Variants in TEAD1 observed in about 807,000 individuals in gnomAD.
TEAD1 encodes the protein TEA domain transcription factor 1, also known as transcriptional enhancer factor TEF-1.
TEAD1 carries 9 observed loss-of-function variants against 54.9 expected under a neutral mutation model. That is an observed-to-expected ratio of 0.16 (90% CI 0.10 to 0.29). The LOEUF is 0.29. TEAD1 is among the 10% of genes least tolerant of loss of function. The probability of loss-of-function intolerance (pLI) is 1.00; values close to 1 mark genes in which losing one functional copy is unlikely to be tolerated. For missense variants in TEAD1, 387 were observed against 535.9 expected (o/e 0.72, Z 2.74); for synonymous variants, 200 against 187.8 (o/e 1.07, Z -0.53).
chr11:12,766,936 C>G (rs1264568454), intron 3 of TEAD1, among the ~76,000 whole-genome samples: 1 of 152,144 alleles, frequency 6.6e-6, no homozygotes, highest in Non-Finnish European at 1.5e-5. Context: ...CCACCCCCAC[C>G]TCCAGGCAGC....
At chr11:12,819,484 C>G (rs181277550) in intron 3 of TEAD1, among the ~76,000 whole-genome samples, 2 of 152,116 alleles carry the variant, frequency 1.3e-5, no homozygotes, top group African/African-American at 4.8e-5. Context: ...GAGTCTCGCT[C>G]TGTCACCCAG....
intron 3 of TEAD1, among the ~76,000 whole-genome samples, chr11:12,824,735 A>G (rs1946616415): frequency 6.6e-6 from 1 of 152,102 alleles, no homozygotes; most frequent in African/African-American, 2.4e-5. Context: ...AGTTCCTCCC[A>G]GTCCTGAACT....
At chr11:12,689,868 T>C (rs1454504178) in intron 2 of TEAD1, among the ~76,000 whole-genome samples, 1 of 151,888 alleles carries the variant, frequency 6.6e-6, no homozygotes, top group African/African-American at 2.4e-5. Context: ...TGTAAATTAG[T>C]ACATATTTTA....
At chr11:12,834,963 T>C (rs1946856997) in intron 3 of TEAD1, among the ~76,000 whole-genome samples, 1 of 152,122 alleles carries the variant, frequency 6.6e-6, no homozygotes, top group South Asian at 2.1e-4. Context: ...TAAATACAAT[T>C]GTGTATATAG....
intron 3 of TEAD1, among the ~76,000 whole-genome samples, chr11:12,798,333 G>T (rs1006438843): frequency 2.6e-5 from 4 of 152,154 alleles, no homozygotes; most frequent in Non-Finnish European, 5.9e-5. Flanking sequence ...GACTGGAAGA[G>T]TACTCATCTT....
intron 5 of TEAD1, among the ~76,000 whole-genome samples, chr11:12,869,953 C>T (rs1947706080): frequency 6.6e-6 from 1 of 152,140 alleles, no homozygotes; most frequent in Non-Finnish European, 1.5e-5. Context: ...CATCTCGGCT[C>T]ATTGCAACCT....
intron 3 of TEAD1, among the ~76,000 whole-genome samples, chr11:12,827,459 G>A (rs1283525034): frequency 6.6e-6 from 1 of 152,194 alleles, no homozygotes; most frequent in African/African-American, 2.4e-5. Flanking sequence ...TGGGGTGGGT[G>A]TGTTGGTGTG....
intron 2 of TEAD1, among the ~76,000 whole-genome samples, chr11:12,729,776 A>C (rs529276541): frequency 2.0e-5 from 3 of 152,172 alleles, no homozygotes; most frequent in Non-Finnish European, 4.4e-5. Flanking sequence ...ATGGTTGGCT[A>C]TCCGACTTCT....
intron 10 of TEAD1, among the ~76,000 whole-genome samples, chr11:12,908,292 C>T (rs1948554295): frequency 6.6e-6 from 1 of 152,190 alleles, no homozygotes; most frequent in Non-Finnish European, 1.5e-5. Flanking sequence ...CTAGGGACCA[C>T]CTCTGAAGCT....
At chr11:12,722,518 G>A (rs1004659209) in intron 2 of TEAD1, among the ~76,000 whole-genome samples, 3 of 152,164 alleles carry the variant, frequency 2.0e-5, no homozygotes, top group African/African-American at 7.2e-5. Context: ...CAGAGTATAG[G>A]ATAGAGACTC....
intron 3 of TEAD1, among the ~76,000 whole-genome samples, chr11:12,850,907 A>G (rs1947260063): frequency 6.6e-6 from 1 of 152,176 alleles, no homozygotes; most frequent in Non-Finnish European, 1.5e-5. Context: ...TGAAGAAGCA[A>G]TGAGCATGCA....
Position 12,908,883 on chromosome 11 carries a change from G to GTTTT in TEAD1, c.873+6780_873+6783dup, listed in dbSNP as rs60042137. Among the ~76,000 whole-genome samples the GTTTT allele has an allele frequency of 2.7e-3, 268 of 99,666 alleles. 14 individuals carry two copies. Among genetic ancestry groups the GTTTT allele is most frequent in the African/African-American group, 8.4e-3 (263 of 31,382 alleles). 65.4% of individuals were successfully genotyped at this position (99,666 alleles called of 152,430 possible). On this transcript the variant is annotated intron_variant, in intron 10 of 12. Transcript: ENST00000527636. ...TATGTCAGTATACTTCAAATTATCT[G>GTTTT]TTTTTTTTTTTTTGAGACAGTGTTG...
At chr11:12,827,662 C>G (rs764107332) in intron 3 of TEAD1, among the ~76,000 whole-genome samples, 6 of 152,218 alleles carry the variant, frequency 3.9e-5, no homozygotes, top group Non-Finnish European at 7.3e-5. Context: ...TCAGACACTT[C>G]CAGTGGTTTT....
intron 2 of TEAD1, among the ~76,000 whole-genome samples, chr11:12,702,909 G>A (rs1943734017): frequency 6.6e-6 from 1 of 152,160 alleles, no homozygotes; most frequent in Non-Finnish European, 1.5e-5. Flanking sequence ...CTGTGAAGGA[G>A]GTAGTAATAT....
At chr11:12,727,785 T>C (rs1944343795) in intron 2 of TEAD1, among the ~76,000 whole-genome samples, 1 of 152,214 alleles carries the variant, frequency 6.6e-6, no homozygotes, top group Non-Finnish European at 1.5e-5. Context: ...CTTGGCTTGC[T>C]CTACTCTAGG....
intron 2 of TEAD1, among the ~76,000 whole-genome samples, chr11:12,694,889 A>C: frequency 6.6e-6 from 1 of 152,232 alleles, no homozygotes; most frequent in Non-Finnish European, 1.5e-5. Flanking sequence ...AAACCCTGTG[A>C]AAAGACACTG....
At chr11:12,932,360 A>T (rs536212224) in intron 12 of TEAD1, among the ~76,000 whole-genome samples, 38 of 152,288 alleles carry the variant, frequency 2.5e-4, no homozygotes, top group African/African-American at 9.1e-4. Flanking sequence ...TGAGGATCTT[A>T]AGTGGCCTCA....
intron 2 of TEAD1, among the ~76,000 whole-genome samples, chr11:12,722,274 G>C (rs1944220093): frequency 6.6e-6 from 1 of 152,152 alleles, no homozygotes; most frequent in Non-Finnish European, 1.5e-5. Flanking sequence ...CCTAAACCTG[G>C]TCATCTCCTC....
At chr11:12,868,938 T>G (rs142159116) in intron 5 of TEAD1, among the ~76,000 whole-genome samples, 2 of 152,306 alleles carry the variant, frequency 1.3e-5, no homozygotes, top group East Asian at 3.9e-4. Context: ...GTGAAAAGAA[T>G]GATTCATTCT....
Sources: allele counts gnomAD v4.1 joint callset (sites outside exome capture counted in the v4.1 genomes callset), GRCh38; gene constraint gnomAD v4.1.1; transcripts MANE v1.5; gene names NCBI Gene and HGNC (gene_info 2026-07-23, HGNC 2026-07-21).